Variants in GAS5 observed in about 807,000 individuals in gnomAD.
GAS5 encodes the protein growth arrest specific 5, also known as growth arrest specific 5 (non-protein coding).
At chr1:173,867,089 T>G, upstream of GAS5, 1 of 646,096 alleles carries the variant, frequency 1.5e-6, no homozygotes. Flanking sequence ...CCACGGTTCT[T>G]TTTTTTAAAG....
At chr1:173,864,391 G>A (rs768113076) in intron 6 of GAS5, 9 of 518,794 alleles carry the variant, frequency 1.7e-5, no homozygotes, top group Admixed American at 7.8e-5. Flanking sequence ...AAAATGGAAC[G>A]GTTTTACAGT....
intron 3 of GAS5, chr1:173,866,230 C>T (rs1654589829): frequency 2.1e-6 from 1 of 484,790 alleles, no homozygotes; most frequent in Admixed American, 2.2e-5. Context: ...ACAAAATTGT[C>T]AGCAAAAAAT....
exon 7 of GAS5, chr1:173,864,301 A>C (rs1482043039): frequency 1.9e-6 from 1 of 513,590 alleles, no homozygotes; most frequent in Non-Finnish European, 3.9e-6. Context: ...GGTCATTAAA[A>C]ACCCTGAAAG....
Position 173,866,868 on chromosome 1 carries a change from G to A in GAS5, n.56-72C>T, listed in dbSNP as rs530108354. The A allele has an allele frequency of 3.1e-5, 24 of 765,508 alleles. 3 individuals carry two copies. In the South Asian group the frequency reaches 3.2e-4, roughly 10 times the overall value. The allele number at this position is 765,508 out of a possible 1,614,324, so 47.4% of individuals were successfully genotyped here. ...AGCAGTCACGTTAAATATAAATGCT[G>A]TTAACATTAAAGCCTCAGAATAGAA... is the stretch of plus-strand genomic sequence containing the variant. On this transcript the variant is annotated intron_variant and non_coding_transcript_variant, in intron 1 of 7. Coordinates refer to ENST00000651080, the Ensembl canonical transcript of GAS5.
chr1:173,865,018 G>C (rs1428848182), intron 6 of GAS5: 1 of 440,284 alleles, frequency 2.3e-6, no homozygotes, highest in East Asian at 5.8e-5. Context: ...TCAAGAGTTC[G>C]AGACCAGCCT....
chr1:173,865,859 G>A, exon 5 of GAS5: 1 of 515,572 alleles, frequency 1.9e-6, no homozygotes, highest in South Asian at 1.4e-5. Flanking sequence ...ATACTTACCA[G>A]AACCATTAAG....
At chr1:173,867,091 T>C (rs1654836722), upstream of GAS5, 1 of 642,320 alleles carries the variant, frequency 1.6e-6, no homozygotes, top group South Asian at 1.8e-5. Context: ...ACGGTTCTTT[T>C]TTTTAAAGAG....
intron 6 of GAS5, chr1:173,864,342 C>T (rs754418038): frequency 1.9e-6 from 1 of 518,344 alleles, no homozygotes; most frequent in Non-Finnish European, 3.9e-6. Context: ...GGGCAAAATA[C>T]AAATGTGTGA....
At chr1:173,866,057 T>C (rs773403339) in intron 4 of GAS5, 1 of 519,154 alleles carries the variant, frequency 1.9e-6, no homozygotes, top group Non-Finnish European at 3.8e-6. Flanking sequence ...TTATTAATCA[T>C]AACAAGACAA....
chr1:173,867,772 G>A (rs775348980), upstream of GAS5: 2 of 519,180 alleles, frequency 3.9e-6, no homozygotes, highest in Admixed American at 1.9e-5. Context: ...CTTCTCCGCA[G>A]TTCTACTCTA....
At chr1:173,864,671 T>C (rs543365007) in intron 6 of GAS5, 1 of 412,442 alleles carries the variant, frequency 2.4e-6, no homozygotes, top group East Asian at 7.0e-5. Context: ...AAGTTTAAAC[T>C]AACCTGCATT....
upstream of GAS5, chr1:173,867,869 G>A (rs1655058386): frequency 6.8e-6 from 3 of 441,118 alleles, no homozygotes; most frequent in Admixed American, 7.3e-5. Flanking sequence ...GCGCGCGACT[G>A]GCTTAGAAGT....
chr1:173,865,507 T>TA (rs1359516232), exon 6 of GAS5: 2 of 509,654 alleles, frequency 3.9e-6, no homozygotes, highest in African/African-American at 3.9e-5. Flanking sequence ...TTCATGTCCT[T>TA]ACCCAAGCAA....
upstream of GAS5, chr1:173,868,788 C>G (rs1655251784): frequency 6.5e-6 from 1 of 153,046 alleles, no homozygotes; most frequent in African/African-American, 2.4e-5. Context: ...CGCCTTGTCC[C>G]CATCTTCTCC....
chr1:173,867,845 T>C (rs1572035673), upstream of GAS5: 1 of 489,136 alleles, frequency 2.0e-6, no homozygotes. Context: ...CCTCAACTTG[T>C]AGGCCCTGCA....
intron 2 of GAS5, chr1:173,866,699 C>T (rs1286857154): frequency 3.9e-6 from 3 of 765,372 alleles, no homozygotes; most frequent in Admixed American, 1.7e-5. Flanking sequence ...AGCAAATAAA[C>T]TGTCATCATT....
rs756978706 is a variant in GAS5, at chr1:173,864,419, T to A, written n.277-115A>T. 7.7e-6 allele frequency: 4 copies of A among 519,086 alleles called. 1 individual carries two copies. Among genetic ancestry groups the A allele is most frequent in the South Asian group, 5.6e-5 (4 of 71,508 alleles). 32.2% of individuals were successfully genotyped at this position (519,086 alleles called of 1,614,324 possible). Reference sequence around the variant, plus strand: ...TTTACAGTGATATCATTATATTTCATTTGGCAGAATCATTACATCATTGGT... The same window carrying A: ...TTTACAGTGATATCATTATATTTCAATTGGCAGAATCATTACATCATTGGT... On this transcript the variant is annotated intron_variant and non_coding_transcript_variant, in intron 6 of 7. Coordinates refer to ENST00000651080, the Ensembl canonical transcript of GAS5.
intron 5 of GAS5, chr1:173,865,587 T>C (rs762973214): frequency 1.9e-6 from 1 of 519,120 alleles, no homozygotes; most frequent in Non-Finnish European, 3.8e-6. Flanking sequence ...ATGCTAAACA[T>C]CATTAAACTC....
At chr1:173,867,147 T>C (rs1216383000), upstream of GAS5, 1 of 594,124 alleles carries the variant, frequency 1.7e-6, no homozygotes, top group African/African-American at 1.9e-5. Context: ...ATGATGCAGG[T>C]AACATACCAT....
Sources: allele counts gnomAD v4.1 joint callset, GRCh38; gene constraint gnomAD v4.1.1; transcripts MANE v1.5; gene names NCBI Gene and HGNC (gene_info 2026-07-23, HGNC 2026-07-21).